The following CNTNAP2 variants were observed in gnomAD, a reference collection of about 807,000 sequenced individuals.
CNTNAP2 encodes the protein contactin-associated protein-like 2.
CNTNAP2 carries 98 observed loss-of-function variants against 155.2 expected under a neutral mutation model. The observed-to-expected ratio is 0.63, with a 90% CI of 0.54 to 0.75. The LOEUF (loss-of-function observed/expected upper bound fraction) is 0.75. Ranked by LOEUF, CNTNAP2 falls within the 30% of genes least tolerant of loss-of-function variation. The probability of loss-of-function intolerance (pLI) is 0.00; values close to 1 mark genes in which losing one functional copy is unlikely to be tolerated. For missense variants in CNTNAP2, 1,727 were observed against 1,688.1 expected, an observed-to-expected ratio of 1.02 and a Z score of -0.40; for synonymous variants, 651 against 631.2, an observed-to-expected ratio of 1.03 and a Z score of -0.47.
chr7:148,316,397 G>C (rs888376247), intron 21 of CNTNAP2, among the ~76,000 whole-genome samples: 4 of 151,914 alleles, frequency 2.6e-5, no homozygotes, highest in Non-Finnish European at 5.9e-5. Context: ...CAGGAAGACT[G>C]TGTCAGATTC....
rs767715009 is a variant in CNTNAP2 at position 147,706,181 on chromosome 7, G to GTTTTTT, written c.2098+66886_2098+66891dup. ...ACCTTCTGTAGTGGTAACATTTGAG[G>GTTTTTT]TTTTTTTTTTTTTTTTCCTTATTTG... On this transcript the variant is annotated intron_variant, in intron 13 of 23. Transcript: ENST00000361727. Among the ~76,000 whole-genome samples the GTTTTTT allele has an allele frequency of 1.1e-4, 15 of 133,534 alleles. No homozygotes were observed. The Admixed American group carries it at 1.2e-3, about 10-fold the overall frequency. The allele number at this position is 133,534 out of a possible 152,430, so 87.6% of individuals were successfully genotyped here. A position where few individuals can be genotyped will look rare whatever the true frequency, so the allele number is the denominator to read the frequency against.
intron 11 of CNTNAP2, among the ~76,000 whole-genome samples, chr7:147,545,956 G>T (rs931733324): frequency 6.6e-6 from 1 of 152,060 alleles, no homozygotes; most frequent in African/African-American, 2.4e-5. Flanking sequence ...TTTCACTTGG[G>T]TCTCATTCTC....
chr7:146,205,701 G>C (rs1421246784), intron 1 of CNTNAP2, among the ~76,000 whole-genome samples: 1 of 151,816 alleles, frequency 6.6e-6, no homozygotes, highest in Non-Finnish European at 1.5e-5. Context: ...TTTTACATTT[G>C]AATGAATCCG....
At chr7:146,370,259 T>TAA (rs1563058188) in intron 1 of CNTNAP2, among the ~76,000 whole-genome samples, 1 of 117,832 alleles carries the variant, frequency 8.5e-6, no homozygotes, top group Non-Finnish European at 1.6e-5. Context: ...CATCTCTACT[T>TAA]TAAAAAAAAA....
At chr7:148,127,169 G>A (rs529041533) in intron 16 of CNTNAP2, among the ~76,000 whole-genome samples, 30 of 152,200 alleles carry the variant, frequency 2.0e-4, no homozygotes, top group Admixed American at 1.2e-3. Context: ...GCTGGGCGTG[G>A]TGGCACACCC....
At chr7:147,710,218 G>A (rs1796383014) in intron 13 of CNTNAP2, among the ~76,000 whole-genome samples, 1 of 152,084 alleles carries the variant, frequency 6.6e-6, no homozygotes, top group Admixed American at 6.6e-5. Context: ...TCATAATGTT[G>A]ATGGAGAAAT....
intron 12 of CNTNAP2, among the ~76,000 whole-genome samples, chr7:147,575,192 GTGTGTGTGTGTAT>G (rs1800367973): frequency 2.8e-5 from 1 of 35,828 alleles, no homozygotes; most frequent in East Asian, 1.3e-3. Flanking sequence ...GTATGTGTGT[GTGTGTGTGTGTAT>G]TCCCTAGCTT....
chr7:146,475,527 C>T (rs1796865109), intron 1 of CNTNAP2, among the ~76,000 whole-genome samples: 1 of 152,032 alleles, frequency 6.6e-6, no homozygotes, highest in Non-Finnish European at 1.5e-5. Flanking sequence ...GGAGGCAGAG[C>T]CAGCCATTGA....
chr7:148,150,846 G>A (rs1426978557), intron 17 of CNTNAP2, among the ~76,000 whole-genome samples: 2 of 151,674 alleles, frequency 1.3e-5, no homozygotes, highest in African/African-American at 2.4e-5. Context: ...CAGGCTCAAG[G>A]GATCCTCCCA....
chr7:147,568,707 A>G lies in CNTNAP2; in HGVS notation c.1897+6450A>G, dbSNP rs560534721. ...CCTCTTTTAATTGTATATTTCTAAC[A>G]TTTCAGCTTTTCATTTCCATTTTCT... is the stretch of plus-strand genomic sequence containing the variant. On this transcript the variant is annotated intron_variant, in intron 12 of 23. Transcript: ENST00000361727. Among the ~76,000 whole-genome samples the G allele has an allele frequency of 3.6e-4, 55 of 152,174 alleles. No homozygotes were observed. The South Asian group carries it at 8.9e-3, about 25-fold the overall frequency.
chr7:146,970,225 C>G (rs201243934), intron 3 of CNTNAP2, among the ~76,000 whole-genome samples: 3 of 151,906 alleles, frequency 2.0e-5, no homozygotes, highest in African/African-American at 7.3e-5. Context: ...CTAATTAAAC[C>G]AAAGAGCTTC....
intron 1 of CNTNAP2, among the ~76,000 whole-genome samples, chr7:146,636,056 A>C (rs2129159937): frequency 6.6e-6 from 1 of 152,212 alleles, no homozygotes; most frequent in Admixed American, 6.5e-5. Flanking sequence ...AACAACAGAC[A>C]GGTGCATTTT....
intron 12 of CNTNAP2, among the ~76,000 whole-genome samples, chr7:147,589,910 G>A (rs981121153): frequency 3.9e-5 from 6 of 152,122 alleles, no homozygotes; most frequent in African/African-American, 1.2e-4. Flanking sequence ...CACCAGCAGC[G>A]TGGAAGATCC....
At chr7:146,714,481 C>T (rs181951719) in intron 1 of CNTNAP2, among the ~76,000 whole-genome samples, 20 of 152,312 alleles carry the variant, frequency 1.3e-4, no homozygotes, top group Admixed American at 6.5e-4. Context: ...GAAGCTATTT[C>T]ATATCTAAAC....
At chr7:148,268,197 T>C (rs1796709075) in intron 21 of CNTNAP2, among the ~76,000 whole-genome samples, 1 of 152,188 alleles carries the variant, frequency 6.6e-6, no homozygotes, top group African/African-American at 2.4e-5. Context: ...TACTGTGAAC[T>C]GCAATGAAAA....
rs112783178 is a variant in CNTNAP2, at chr7:147,687,780, C to A, written c.2098+48474C>A. Reference sequence around the variant, plus strand: ...TGAGGAAGAGAGAGAAGGCAAGGGGCAGAATCAGTACACTGTAAGTTCTAA... The same window carrying A: ...TGAGGAAGAGAGAGAAGGCAAGGGGAAGAATCAGTACACTGTAAGTTCTAA... On this transcript the variant is annotated intron_variant, in intron 13 of 23. Coordinates refer to ENST00000361727, the MANE Select transcript of CNTNAP2 (RefSeq NM_014141.6). 4.6e-5 allele frequency among the ~76,000 whole-genome samples: 7 copies of A among 152,136 alleles called. 1 individual carries two copies. Among genetic ancestry groups the A allele is most frequent in the African/African-American group, 1.4e-4 (6 of 41,524 alleles).
chr7:146,841,115 C>T (rs1383541622), intron 3 of CNTNAP2, among the ~76,000 whole-genome samples: 4 of 152,122 alleles, frequency 2.6e-5, no homozygotes, highest in Non-Finnish European at 5.9e-5. Flanking sequence ...AACATATAGA[C>T]CCTTGTGTCC....
At chr7:147,708,029 TC>T (rs2117012228) in intron 13 of CNTNAP2, among the ~76,000 whole-genome samples, 1 of 152,118 alleles carries the variant, frequency 6.6e-6, no homozygotes, top group Non-Finnish European at 1.5e-5. Flanking sequence ...TCCTCAGACC[TC>T]CCAGTGGTAT....
intron 4 of CNTNAP2, among the ~76,000 whole-genome samples, chr7:147,050,015 A>T (rs1799442780): frequency 6.6e-6 from 1 of 152,180 alleles, no homozygotes; most frequent in Middle Eastern, 3.2e-3. Flanking sequence ...CTTGTCTTGA[A>T]TATAATATGA....
Sources: gnomAD v4.1 joint callset for allele counts (sites outside exome capture counted in the v4.1 genomes callset) on GRCh38, gnomAD v4.1.1 for gene constraint, MANE v1.5 for transcripts, NCBI Gene and HGNC (gene_info 2026-07-23, HGNC 2026-07-21) for gene names.